The following DGKI variants were observed in gnomAD, a reference collection of about 807,000 sequenced individuals.
DGKI encodes the protein diacylglycerol kinase iota.
In DGKI, 55 loss-of-function variants were observed where a neutral mutation model predicts 147.5. That is an observed-to-expected ratio of 0.37 (90% CI 0.30 to 0.47). The LOEUF (loss-of-function observed/expected upper bound fraction) is 0.47, where lower values mean the gene tolerates loss of function less well. Among genes scored for constraint, DGKI ranks in the 20% least tolerant of loss-of-function variants. The probability of loss-of-function intolerance (pLI) is 1.00; values close to 1 mark genes in which losing one functional copy is unlikely to be tolerated. For synonymous variants in DGKI, 469 were observed against 477.1 expected, an observed-to-expected ratio of 0.98 and a Z score of 0.22; for missense variants, 1,007 against 1,323.8, an observed-to-expected ratio of 0.76 and a Z score of 3.71.
rs375411833 is a variant in DGKI at position 137,516,625 on chromosome 7, C to T, written c.2248+5241G>A. ...TTTTTTTTCTTCCAACCCCTGCTCA[C>T]GGTAAGGACTCAATAAAGGTACACT... On this transcript the variant is annotated intron_variant, in intron 21 of 32. Coordinates refer to ENST00000614521, the MANE Select transcript of DGKI (RefSeq NM_001321708.2). 1.5e-3 allele frequency among the ~76,000 whole-genome samples: 229 copies of T among 151,468 alleles called. 2 individuals are homozygous for T. The highest frequency in any genetic ancestry group is 5.1e-3 in the African/African-American group (211 of 41,300).
intron 12 of DGKI, among the ~76,000 whole-genome samples, chr7:137,591,289 T>C (rs1227890504): frequency 6.6e-6 from 1 of 152,222 alleles, no homozygotes; most frequent in Non-Finnish European, 1.5e-5. Context: ...ATCAAATATG[T>C]CATTGTCTCC....
Position 137,562,966 on chromosome 7 carries a change from A to C in DGKI, c.1947+8209T>G, listed in dbSNP as rs114737321. On this transcript the variant is annotated intron_variant, in intron 19 of 32. Coordinates refer to ENST00000614521, the MANE Select transcript of DGKI (RefSeq NM_001321708.2). ...ACCCAATCAAATTATGCAAGAAAAGAAATTTATTTATCGCTCTCCCTCATA... is the reference window on the plus strand; with the variant it reads ...ACCCAATCAAATTATGCAAGAAAAGCAATTTATTTATCGCTCTCCCTCATA... Among the ~76,000 whole-genome samples, 983 of 152,264 alleles carry C rather than the reference A, an allele frequency of 6.5e-3. 14 individuals are homozygous for C. The highest frequency in any genetic ancestry group is 0.022 in the African/African-American group (927 of 41,586).
intron 28 of DGKI, among the ~76,000 whole-genome samples, chr7:137,438,875 CTA>C (rs1390251971): frequency 6.6e-6 from 1 of 152,050 alleles, no homozygotes; most frequent in Non-Finnish European, 1.5e-5. Context: ...ATACATAAAA[CTA>C]TGTACACACA....
At chr7:137,467,076 C>T in intron 24 of DGKI, 134 bp from the exon 25 acceptor site, 1 of 805,624 alleles carries the variant, frequency 1.2e-6, no homozygotes, top group East Asian at 2.7e-5. Flanking sequence ...GTCCCTAAAT[C>T]TATTAAGAAA....
intron 12 of DGKI, among the ~76,000 whole-genome samples, chr7:137,591,669 A>G (rs886196049): frequency 1.3e-5 from 2 of 152,234 alleles, no homozygotes; most frequent in Non-Finnish European, 2.9e-5. Flanking sequence ...AGCAAGAGTA[A>G]TAATAATGCC....
At chr7:137,440,379 G>A (rs1813452290) in intron 28 of DGKI, among the ~76,000 whole-genome samples, 1 of 152,176 alleles carries the variant, frequency 6.6e-6, no homozygotes, top group Non-Finnish European at 1.5e-5. Flanking sequence ...ATTACCAGCA[G>A]GAGGGAGAAG....
intron 7 of DGKI, among the ~76,000 whole-genome samples, chr7:137,620,564 C>T (rs1251930070): frequency 6.6e-6 from 1 of 152,040 alleles, no homozygotes; most frequent in Non-Finnish European, 1.5e-5. Flanking sequence ...AAAGAGATTG[C>T]TTCTGTTGGG....
At position 137,712,805 on chromosome 7, in the gene DGKI, T is replaced by C. The variant is rs77287546; in HGVS notation, c.402-22803A>G. On this transcript the variant is annotated intron_variant, in intron 1 of 32. Coordinates refer to ENST00000614521, the MANE Select transcript of DGKI (RefSeq NM_001321708.2). Reference sequence around the variant, plus strand: ...TGAGATAGGTGAGTTAGCTGTATGATAGACAATTGAGATGATGATATGTTT... The same window carrying C: ...TGAGATAGGTGAGTTAGCTGTATGACAGACAATTGAGATGATGATATGTTT... Among the ~76,000 whole-genome samples the C allele has an allele frequency of 9.9e-3, 1,515 of 152,354 alleles. 21 individuals are homozygous for C. Among genetic ancestry groups the C allele is most frequent in the African/African-American group, 0.035 (1,460 of 41,582 alleles).
chr7:137,768,638 A>ACGTACAG (rs1301526437), intron 1 of DGKI, among the ~76,000 whole-genome samples: 3 of 152,216 alleles, frequency 2.0e-5, no homozygotes, highest in Non-Finnish European at 2.9e-5. Flanking sequence ...GGCCCCGGGC[A>ACGTACAG]GAATCACGCT....
intron 24 of DGKI, 100 bp from the exon 25 acceptor site, chr7:137,467,042 G>A: frequency 8.8e-7 from 1 of 1,140,358 alleles, no homozygotes; most frequent in Non-Finnish European, 1.3e-6. Context: ...CCCCTACATG[G>A]CAGTCATGCT....
chr7:137,552,545 A>G lies in DGKI; in HGVS notation c.1971T>C (p.His657=), dbSNP rs374068417. 6.2e-7 allele frequency: 1 copy of G among 1,614,138 alleles called. No homozygotes were observed. Among genetic ancestry groups the G allele is most frequent in the Non-Finnish European group, 8.5e-7 (1 of 1,180,018 alleles). Reference sequence around the variant, plus strand: ...CTCGACACTGGTGTAGCCTCTCTCCATGGCCCCCAACTTGCAGGGCTGCCT... The same window carrying G: ...CTCGACACTGGTGTAGCCTCTCTCCGTGGCCCCCAACTTGCAGGGCTGCCT... ...ASLAALQVGG[H]GERLHQCREV... The change falls in exon 20 of 33, where the codon CAT becomes CAC. Residue 657 remains histidine (H), a synonymous_variant. Transcript: ENST00000614521.
chr7:137,805,551 A>G (rs1797340890), intron 1 of DGKI, among the ~76,000 whole-genome samples: 1 of 152,228 alleles, frequency 6.6e-6, no homozygotes, highest in Non-Finnish European at 1.5e-5. Flanking sequence ...TCTCCACCAG[A>G]AACAATGGAA....
intron 3 of DGKI, among the ~76,000 whole-genome samples, chr7:137,674,791 C>T (rs1180157148): frequency 2.6e-5 from 4 of 152,200 alleles, no homozygotes; most frequent in Non-Finnish European, 5.9e-5. Context: ...TCTTTCAAAA[C>T]TGAGCTCGAA....
At chr7:137,498,595 C>G (rs1179742023) in intron 21 of DGKI, among the ~76,000 whole-genome samples, 2 of 152,072 alleles carry the variant, frequency 1.3e-5, no homozygotes, top group African/African-American at 4.8e-5. Context: ...TTGAACTTCT[C>G]AAAGGCAACC....
intron 28 of DGKI, among the ~76,000 whole-genome samples, chr7:137,431,170 C>T (rs749559515): frequency 1.3e-5 from 2 of 151,964 alleles, no homozygotes; most frequent in African/African-American, 4.8e-5. Flanking sequence ...TAGAGAGGCA[C>T]ACAGTCAGAG....
intron 1 of DGKI, chr7:137,722,189 T>C (rs1047534652): frequency 1.8e-4 from 293 of 1,600,464 alleles, no homozygotes; most frequent in Non-Finnish European, 2.2e-4. Context: ...AGAAAGGCCA[T>C]GTACAAGAGG....
At position 137,390,816 on chromosome 7, in the gene DGKI, A is replaced by T. The variant is rs1035330576; in HGVS notation, c.*404T>A. 5.8e-6 allele frequency: 1 copy of T among 171,054 alleles called. No individual in the cohort carries two copies. The highest frequency in any genetic ancestry group is 2.4e-5 in the African/African-American group (1 of 41,710). The allele number at this position is 171,054 out of a possible 1,614,324, so 10.6% of individuals were successfully genotyped here. A position where few individuals can be genotyped will look rare whatever the true frequency, so the allele number is the denominator to read the frequency against. The stretch of plus-strand genomic sequence containing the variant: ...AGAGATAATATTTTTCTTTAAGTTG[A>T]TGGGTAGTTACAGTAGAATTGTATG... On this transcript the variant is annotated 3_prime_UTR_variant, in exon 33 of 33. Coordinates refer to ENST00000614521, the MANE Select transcript of DGKI (RefSeq NM_001321708.2).
chr7:137,619,397 G>T (rs546903903), intron 8 of DGKI, among the ~76,000 whole-genome samples: 2 of 152,290 alleles, frequency 1.3e-5, no homozygotes, highest in African/African-American at 4.8e-5. Flanking sequence ...TGCCTTCCAG[G>T]TTGGAAGTGG....
chr7:137,809,253 A>T (rs2094827794), intron 1 of DGKI, among the ~76,000 whole-genome samples: 1 of 152,206 alleles, frequency 6.6e-6, no homozygotes, highest in South Asian at 2.1e-4. Flanking sequence ...GGAGACGGGA[A>T]CAGGAGGCTA....
Sources: gnomAD v4.1 joint callset for allele counts (sites outside exome capture counted in the v4.1 genomes callset) on GRCh38, gnomAD v4.1.1 for gene constraint, MANE v1.5 for transcripts, NCBI Gene and HGNC (gene_info 2026-07-23, HGNC 2026-07-21) for gene names.